The following LRRTM4 variants were observed in gnomAD, a reference collection of about 807,000 sequenced individuals.
The protein encoded by LRRTM4 is leucine-rich repeat transmembrane neuronal protein 4.
A neutral mutation model predicts 47.6 loss-of-function variants in LRRTM4; 25 were observed. The observed-to-expected ratio is 0.53, with a 90% CI of 0.38 to 0.73. The LOEUF (loss-of-function observed/expected upper bound fraction) is 0.73. Among genes scored for constraint, LRRTM4 ranks in the 30% least tolerant of loss-of-function variants. The pLI, the probability that LRRTM4 is intolerant of heterozygous loss-of-function variation, is 0.00. For missense variants in LRRTM4, 638 were observed against 713.4 expected, an observed-to-expected ratio of 0.89 and a Z score of 1.20; for synonymous variants, 311 against 269.5, an observed-to-expected ratio of 1.15 and a Z score of -1.51.
chr2:76,882,529 A>G (rs916751177), intron 3 of LRRTM4, among the ~76,000 whole-genome samples: 19 of 146,734 alleles, frequency 1.3e-4, no homozygotes, highest in African/African-American at 4.5e-4. Context: ...CCATCTCTAT[A>G]AAAAGTTAAA....
intron 3 of LRRTM4, among the ~76,000 whole-genome samples, chr2:77,348,001 CCAAA>C (rs1203938176): frequency 5.4e-5 from 8 of 149,084 alleles, no homozygotes; most frequent in African/African-American, 1.5e-4. Context: ...TTGAAAAAAA[CCAAA>C]CAATTAACAA....
intron 3 of LRRTM4, among the ~76,000 whole-genome samples, chr2:77,057,316 C>T (rs1399630471): frequency 6.6e-6 from 1 of 151,960 alleles, no homozygotes; most frequent in African/African-American, 2.4e-5. Context: ...GTTAAAAAAA[C>T]TGGAAAAGAC....
intron 3 of LRRTM4, among the ~76,000 whole-genome samples, chr2:77,065,966 T>C (rs1170894713): frequency 6.6e-6 from 1 of 152,186 alleles, no homozygotes; most frequent in East Asian, 1.9e-4. Flanking sequence ...GCTTGTTTAA[T>C]GTAAAACGAG....
At chr2:77,472,014 G>A (rs1258880190) in intron 3 of LRRTM4, among the ~76,000 whole-genome samples, 2 of 152,022 alleles carry the variant, frequency 1.3e-5, no homozygotes, top group South Asian at 2.1e-4. Context: ...TGTCACCTTC[G>A]GGGCACCAGC....
intron 3 of LRRTM4, among the ~76,000 whole-genome samples, chr2:77,385,911 C>A (rs905745594): frequency 1.3e-5 from 2 of 151,160 alleles, no homozygotes; most frequent in African/African-American, 4.9e-5. Context: ...CCACTCCTGG[C>A]TATTTTTTTT....
chr2:77,001,825 T>C (rs546343855), intron 3 of LRRTM4, among the ~76,000 whole-genome samples: 57 of 152,286 alleles, frequency 3.7e-4, no homozygotes, highest in African/African-American at 1.3e-3. Context: ...ACAAAAGTCT[T>C]ATTGCCTAAA....
intron 3 of LRRTM4, among the ~76,000 whole-genome samples, chr2:77,457,008 A>G (rs1395255672): frequency 0.028 from 167 of 6,040 alleles, 1 homozygote; most frequent in African/African-American, 0.09. Flanking sequence ...GTGTGTGTAT[A>G]TATATATATA....
intron 3 of LRRTM4, among the ~76,000 whole-genome samples, chr2:77,407,321 T>G (rs1254665663): frequency 6.6e-6 from 1 of 151,926 alleles, no homozygotes; most frequent in East Asian, 1.9e-4. Context: ...GAATGTGCCC[T>G]GAAATATTTT....
chr2:76,967,516 G>A (rs892567752), intron 3 of LRRTM4, among the ~76,000 whole-genome samples: 1 of 151,428 alleles, frequency 6.6e-6, no homozygotes, highest in Non-Finnish European at 1.5e-5. Flanking sequence ...TTGAAATGTG[G>A]GTTTGGGGCT....
intron 3 of LRRTM4, among the ~76,000 whole-genome samples, chr2:77,284,023 C>T (rs1487128513): frequency 1.3e-5 from 2 of 151,952 alleles, no homozygotes; most frequent in Non-Finnish European, 1.5e-5. Flanking sequence ...AAATAGGAAA[C>T]AAATAGAGCA....
At chr2:76,998,297 A>G (rs868314020) in intron 3 of LRRTM4, among the ~76,000 whole-genome samples, 7 of 152,192 alleles carry the variant, frequency 4.6e-5, no homozygotes, top group African/African-American at 1.2e-4. Context: ...TATTTCCTAC[A>G]TAAGTTTAGA....
At chr2:77,468,245 AT>A (rs902108410) in intron 3 of LRRTM4, among the ~76,000 whole-genome samples, 5 of 151,470 alleles carry the variant, frequency 3.3e-5, no homozygotes, top group East Asian at 1.9e-4. Flanking sequence ...GGTATCACTG[AT>A]TTTTTTTTCA....
intron 3 of LRRTM4, among the ~76,000 whole-genome samples, chr2:77,426,837 AC>A (rs1675128024): frequency 5.3e-5 from 8 of 151,986 alleles, no homozygotes; most frequent in Admixed American, 2.6e-4. Context: ...ACATGCACAC[AC>A]ACACACACAG....
At chr2:77,027,133 C>T (rs1369413501) in intron 3 of LRRTM4, among the ~76,000 whole-genome samples, 4 of 152,042 alleles carry the variant, frequency 2.6e-5, no homozygotes, top group African/African-American at 4.8e-5. Context: ...CTCTTTTACA[C>T]GATTTATGGA....
intron 3 of LRRTM4, among the ~76,000 whole-genome samples, chr2:77,373,108 TACGCACACAC>T (rs1558713118): frequency 6.8e-6 from 1 of 146,342 alleles, no homozygotes; most frequent in African/African-American, 2.5e-5. Context: ...TATATATATA[TACGCACACAC>T]ATATATATAC....
chr2:77,178,023 ACCT>A (rs771129158), intron 3 of LRRTM4, among the ~76,000 whole-genome samples: 2 of 152,030 alleles, frequency 1.3e-5, no homozygotes, highest in Non-Finnish European at 2.9e-5. Flanking sequence ...GTCAACAATG[ACCT>A]CCTTCATACT....
At chr2:77,325,406 C>T (rs1398030054) in intron 3 of LRRTM4, among the ~76,000 whole-genome samples, 1 of 152,098 alleles carries the variant, frequency 6.6e-6, no homozygotes, top group Non-Finnish European at 1.5e-5. Context: ...CCTATAAGAA[C>T]AAACCAAGTA....
At chr2:77,073,478 T>A (rs985049722) in intron 3 of LRRTM4, among the ~76,000 whole-genome samples, 8 of 151,904 alleles carry the variant, frequency 5.3e-5, no homozygotes, top group Non-Finnish European at 1.0e-4. Context: ...CCATTATTTG[T>A]TTTTTCTATG....
At chr2:76,943,015 T>C (rs78719473) in intron 3 of LRRTM4, among the ~76,000 whole-genome samples, 1,555 of 152,238 alleles carry the variant, frequency 0.01, 37 homozygotes, top group African/African-American at 0.036. Context: ...AGCAACATGA[T>C]TTTGAGAATC....
Sources: allele counts gnomAD v4.1 joint callset (sites outside exome capture counted in the v4.1 genomes callset), GRCh38; gene constraint gnomAD v4.1.1; transcripts MANE v1.5; gene names NCBI Gene and HGNC (gene_info 2026-07-23, HGNC 2026-07-21).